The following CEACAM6 variants were observed in gnomAD, a reference collection of about 807,000 sequenced individuals.
The protein encoded by CEACAM6 is cell adhesion molecule CEACAM6.
Under a neutral mutation model 32.4 loss-of-function variants are expected in CEACAM6, and 21 were observed. That is an observed-to-expected ratio of 0.65 (90% CI 0.46 to 0.93). The LOEUF is 0.93. CEACAM6 is among the 40% of genes least tolerant of loss of function. CEACAM6 has a pLI of 0.00. For missense variants in CEACAM6, 406 were observed against 432.2 expected (o/e 0.94, Z 0.54); for synonymous variants, 184 against 174.4 (o/e 1.06, Z -0.43).
chr19:41,756,465 C>CACAG (rs1346533447), intron 1 of CEACAM6, 135 bp from the exon 2 acceptor site: 63 of 1,281,918 alleles, frequency 4.9e-5, no homozygotes, highest in Middle Eastern at 5.7e-4. Flanking sequence ...CACACACACA[C>CACAG]ACACACACAC....
Position 41,771,457 on chromosome 19 carries a change from G to A in CEACAM6, c.*696G>A, listed in dbSNP as rs1358877992. On this transcript the variant is annotated 3_prime_UTR_variant, in exon 6 of 6. Transcript: ENST00000199764. Reference sequence around the variant, plus strand: ...GTTTCTGACACTTGTTGTTGAACATGGCTAAATACAATGGGTATCGCTGAG... The same window carrying A: ...GTTTCTGACACTTGTTGTTGAACATAGCTAAATACAATGGGTATCGCTGAG... The A allele has an allele frequency of 2.0e-5, 3 of 152,214 alleles. No homozygotes were observed. Among genetic ancestry groups the A allele is most frequent in the Non-Finnish European group, 2.9e-5 (2 of 68,028 alleles). The allele number at this position is 152,214 out of a possible 1,614,324, so 9.4% of individuals were successfully genotyped here. A position where few individuals can be genotyped will look rare whatever the true frequency, so the allele number is the denominator to read the frequency against.
rs1568729940 is a variant in CEACAM6, at chr19:41,771,679, C to T, written c.*918C>T. ...ATTCTCTAAAAGCTTTAAATGTCTGCATGCAGCCAGCCATCAAATAGTGAA... is the reference window on the plus strand; with the variant it reads ...ATTCTCTAAAAGCTTTAAATGTCTGTATGCAGCCAGCCATCAAATAGTGAA... On this transcript the variant is annotated 3_prime_UTR_variant, in exon 6 of 6. Coordinates refer to ENST00000199764, the MANE Select transcript of CEACAM6 (RefSeq NM_002483.7). The T allele has an allele frequency of 6.6e-6, 1 of 152,140 alleles. No individual in the cohort carries two copies. The highest frequency in any genetic ancestry group is 1.5e-5 in the Non-Finnish European group (1 of 68,042). The allele number at this position is 152,140 out of a possible 1,614,324, so 9.4% of individuals were successfully genotyped here. A position where few individuals can be genotyped will look rare whatever the true frequency, so the allele number is the denominator to read the frequency against.
chr19:41,768,328 C>T (rs1555822574), intron 5 of CEACAM6, among the ~76,000 whole-genome samples: 1 of 152,178 alleles, frequency 6.6e-6, no homozygotes, highest in Non-Finnish European at 1.5e-5. Flanking sequence ...CTTCAAGGAT[C>T]TGTTTAACAA....
chr19:41,766,165 C>T lies in CEACAM6; in HGVS notation c.959-18C>T. The T allele has an allele frequency of 6.3e-7, 1 of 1,582,816 alleles. No individual in the cohort carries two copies. Among genetic ancestry groups the T allele is most frequent in the Middle Eastern group, 1.7e-4 (1 of 5,976 alleles). On this transcript the variant is annotated intron_variant, in intron 4 of 5. Coordinates refer to ENST00000199764, the MANE Select transcript of CEACAM6 (RefSeq NM_002483.7). ...TAGAATAACATCACCTTCATTCCTT[C>T]TCTCTTCTTCCCACAAGGAAGTGCT...
chr19:41,762,138 G>A lies in CEACAM6; in HGVS notation c.873G>A (p.Val291=), dbSNP rs1555821984. The change falls in exon 4 of 6, where the codon GTG becomes GTA. Residue 291 remains valine (V), a synonymous_variant. Coordinates refer to ENST00000199764, the MANE Select transcript of CEACAM6 (RefSeq NM_002483.7). ...AGCTCTTTATCCCCAACATCACTGT[G>A]AATAATAGCGGATCCTATATGTGCC... ...TQELFIPNIT[V]NNSGSYMCQA... 1.9e-6 allele frequency: 3 copies of A among 1,614,152 alleles called. No homozygotes were observed. The highest frequency in any genetic ancestry group is 2.5e-6 in the Non-Finnish European group (3 of 1,180,052).
At chr19:41,765,374 A>G (rs1368257102) in intron 4 of CEACAM6, among the ~76,000 whole-genome samples, 1 of 152,234 alleles carries the variant, frequency 6.6e-6, no homozygotes, top group Admixed American at 6.5e-5. Context: ...CTAAGCACCA[A>G]ATGGAAACTC....
chr19:41,763,625 G>A (rs987264930), intron 4 of CEACAM6, among the ~76,000 whole-genome samples: 3 of 152,160 alleles, frequency 2.0e-5, no homozygotes, highest in Non-Finnish European at 4.4e-5. Flanking sequence ...CTCGATCTCC[G>A]AGCCCTCAGA....
At chr19:41,761,631 A>T in intron 3 of CEACAM6, 104 bp downstream of exon 3, 1 of 1,551,374 alleles carries the variant, frequency 6.4e-7, no homozygotes, top group Non-Finnish European at 8.7e-7. Context: ...TCAGACCCTC[A>T]CCCAGGCTGG....
chr19:41,759,663 T>C (rs919964472), intron 2 of CEACAM6, among the ~76,000 whole-genome samples: 3 of 152,212 alleles, frequency 2.0e-5, no homozygotes, highest in Non-Finnish European at 4.4e-5. Flanking sequence ...CCTTAGTATG[T>C]TATCAAGAAA....
At chr19:41,768,156 C>T (rs1274613333) in intron 5 of CEACAM6, among the ~76,000 whole-genome samples, 2 of 151,592 alleles carry the variant, frequency 1.3e-5, no homozygotes, top group East Asian at 1.9e-4. Flanking sequence ...GGTCATAGGA[C>T]AATAGTGGAG....
chr19:41,760,234 G>A (rs1195297162), intron 2 of CEACAM6, among the ~76,000 whole-genome samples: 5 of 152,088 alleles, frequency 3.3e-5, no homozygotes. Flanking sequence ...ACTACTCTAG[G>A]GACCTCATAT....
intron 4 of CEACAM6, among the ~76,000 whole-genome samples, chr19:41,762,566 C>T (rs1290585315): frequency 2.0e-5 from 3 of 152,176 alleles, no homozygotes; most frequent in Admixed American, 6.5e-5. Flanking sequence ...CTGTCACCAA[C>T]AATTCCCTTT....
chr19:41,757,474 G>A (rs2072896095), intron 2 of CEACAM6, among the ~76,000 whole-genome samples: 1 of 152,140 alleles, frequency 6.6e-6, no homozygotes, highest in Admixed American at 6.5e-5. Flanking sequence ...CAAGGGCCAT[G>A]ACTCCTGGAG....
At chr19:41,755,793 CAG>C in intron 1 of CEACAM6, 91 bp downstream of exon 1, 1 of 1,089,260 alleles carries the variant, frequency 9.2e-7, no homozygotes, top group Non-Finnish European at 1.3e-6. Flanking sequence ...TGAGAGGAGA[CAG>C]AGGGCTTTTG....
intron 5 of CEACAM6, among the ~76,000 whole-genome samples, chr19:41,768,057 T>G (rs1049474111): frequency 1.4e-4 from 22 of 152,144 alleles, no homozygotes; most frequent in Non-Finnish European, 2.2e-4. Flanking sequence ...CTATGGGAGA[T>G]GCATTCTTTT....
chr19:41,762,269 C>A (rs998064350), intron 4 of CEACAM6, 46 bp downstream of exon 4: 1 of 1,589,190 alleles, frequency 6.3e-7, no homozygotes, highest in South Asian at 1.1e-5. Context: ...CAGGTGGAGT[C>A]TGGCTCTCAG....
rs782187901 is a variant in CEACAM6 at position 41,761,921 on chromosome 19, T to C, written c.704-48T>C. On this transcript the variant is annotated intron_variant, in intron 3 of 5. Transcript: ENST00000199764. ...GGCCCTTCCACAGACCAGGAACTTA[T>C]GCTTCCCTCTGACAACATCACCTGT... is the stretch of plus-strand genomic sequence containing the variant. The C allele has an allele frequency of 1.7e-5, 27 of 1,604,738 alleles. 1 individual carries two copies. Among genetic ancestry groups the C allele is most frequent in the East Asian group, 4.5e-5 (2 of 44,822 alleles).
chr19:41,761,307 T>G lies in CEACAM6; in HGVS notation c.483T>G (p.Asp161Glu). 6.2e-7 allele frequency: 1 copy of G among 1,614,184 alleles called. No individual in the cohort carries two copies. The highest frequency in any genetic ancestry group is 1.1e-5 in the South Asian group (1 of 91,080). ...ACTCCAACCCCGTGGAGGACAAGGA[T>G]GCTGTGGCCTTCACCTGTGAACCTG... ...SNNSNPVEDK[D>E]AVAFTCEPEV... is the part of the protein sequence containing the mutation. Residue 161 changes from aspartate (D) to glutamate (E), a missense_variant, in exon 3 of 6, where the codon GAT becomes GAG. Transcript: ENST00000199764.
At chr19:41,763,105 T>C (rs1384921284) in intron 4 of CEACAM6, among the ~76,000 whole-genome samples, 1 of 152,182 alleles carries the variant, frequency 6.6e-6, no homozygotes, top group Admixed American at 6.5e-5. Flanking sequence ...AGCCACTATG[T>C]ATCTAATATA....
Sources: allele counts gnomAD v4.1 joint callset (sites outside exome capture counted in the v4.1 genomes callset), GRCh38; gene constraint gnomAD v4.1.1; transcripts MANE v1.5; gene names NCBI Gene and HGNC (gene_info 2026-07-23, HGNC 2026-07-21).